Variants in DSCAM observed in about 807,000 individuals in gnomAD.
The protein encoded by DSCAM is cell adhesion molecule DSCAM.
Under a neutral mutation model 217.7 loss-of-function variants are expected in DSCAM, and 47 were observed. That is an observed-to-expected ratio of 0.22 (90% CI 0.17 to 0.28). The LOEUF (loss-of-function observed/expected upper bound fraction) is 0.28. Ranked by LOEUF, DSCAM falls within the 10% of genes least tolerant of loss-of-function variation. The pLI is 1.00. For missense variants in DSCAM, 2,080 were observed against 2,618.3 expected (o/e 0.79, Z 4.49); for synonymous variants, 1,056 against 1,015.3 (o/e 1.04, Z -0.76).
intron 1 of DSCAM, among the ~76,000 whole-genome samples, chr21:40,786,615 T>G (rs1302144813): frequency 6.6e-6 from 1 of 152,192 alleles, no homozygotes; most frequent in East Asian, 1.9e-4. Flanking sequence ...GGCATCTTCA[T>G]GCTAAGTGAA....
Position 40,655,714 on chromosome 21 carries a change from A to C in DSCAM, c.508+37096T>G, listed in dbSNP as rs2090067716. On this transcript the variant is annotated intron_variant, in intron 3 of 32. Transcript: ENST00000400454. ...GTGATCCTCCTGCTTTGACTTTCCA[A>C]AGTGCTATGATTACAGGCATGAGCC... 2.0e-5 allele frequency among the ~76,000 whole-genome samples: 3 copies of C among 152,100 alleles called. No homozygotes were observed. The South Asian group carries it at 6.2e-4, about 32-fold the overall frequency.
intron 1 of DSCAM, among the ~76,000 whole-genome samples, chr21:40,828,412 G>T (rs747054130): frequency 6.6e-6 from 1 of 152,212 alleles, no homozygotes; most frequent in Middle Eastern, 3.4e-3. Context: ...TGAGATTAAG[G>T]TTCCATATTG....
At chr21:40,338,527 T>C in intron 7 of DSCAM, 151 bp from the exon 8 acceptor site, 2 of 857,266 alleles carry the variant, frequency 2.3e-6, no homozygotes, top group East Asian at 2.7e-5. Flanking sequence ...TGTGGCATTT[T>C]CTACAACAAA....
At chr21:40,036,933 A>G (rs2088636237) in intron 32 of DSCAM, among the ~76,000 whole-genome samples, 1 of 150,776 alleles carries the variant, frequency 6.6e-6, no homozygotes, top group Non-Finnish European at 1.5e-5. Context: ...TTATCTGCAT[A>G]GATGCAGAAA....
chr21:40,444,589 T>G (rs2075659121), intron 3 of DSCAM, among the ~76,000 whole-genome samples: 1 of 152,198 alleles, frequency 6.6e-6, no homozygotes, highest in Admixed American at 6.5e-5. Context: ...CAGTAATGGC[T>G]GACTAATACA....
At chr21:40,116,687 T>C (rs1601347249) in intron 20 of DSCAM, among the ~76,000 whole-genome samples, 6 of 150,578 alleles carry the variant, frequency 4.0e-5, no homozygotes, top group African/African-American at 2.4e-5. Flanking sequence ...TTTTCAGATT[T>C]TCCATTATTA....
intron 1 of DSCAM, among the ~76,000 whole-genome samples, chr21:40,731,461 C>T (rs1601184887): frequency 6.6e-6 from 1 of 152,184 alleles, no homozygotes; most frequent in East Asian, 1.9e-4. Flanking sequence ...GCTTCTGTAA[C>T]AAAATACCAT....
chr21:40,820,048 C>T (rs1337048346), intron 1 of DSCAM, among the ~76,000 whole-genome samples: 1 of 151,994 alleles, frequency 6.6e-6, no homozygotes, highest in Non-Finnish European at 1.5e-5. Context: ...CTAAAAAAAG[C>T]TAGAACTATA....
chr21:40,048,810 A>C (rs1464740868), intron 30 of DSCAM, among the ~76,000 whole-genome samples: 1 of 152,188 alleles, frequency 6.6e-6, no homozygotes, highest in Non-Finnish European at 1.5e-5. Flanking sequence ...AGAGGTGAGA[A>C]GCTCTGGTGC....
At position 40,544,545 on chromosome 21, in the gene DSCAM, A is replaced by G. The variant is rs867045733; in HGVS notation, c.508+148265T>C. ...CCTGCGAAGATGAAGGCACAGATTC[A>G]AGTGATACGGCCACAAGCCAAGGAA... On this transcript the variant is annotated intron_variant, in intron 3 of 32. Coordinates refer to ENST00000400454, the MANE Select transcript of DSCAM (RefSeq NM_001389.5). Among the ~76,000 whole-genome samples the G allele has an allele frequency of 3.8e-4, 58 of 152,298 alleles. No individual in the cohort carries two copies. In the Middle Eastern group the frequency reaches 0.01, roughly 27 times the overall value.
At chr21:40,516,997 ACAC>A (rs921092627) in intron 3 of DSCAM, among the ~76,000 whole-genome samples, 42 of 147,830 alleles carry the variant, frequency 2.8e-4, no homozygotes, top group African/African-American at 1.0e-3. Flanking sequence ...ACATATATAT[ACAC>A]CATATATATA....
At chr21:40,566,310 T>C (rs2146195535) in intron 3 of DSCAM, among the ~76,000 whole-genome samples, 1 of 152,150 alleles carries the variant, frequency 6.6e-6, no homozygotes, top group South Asian at 2.1e-4. Flanking sequence ...CCAGCCATCA[T>C]CCAGAGAAGA....
rs571959481 is a variant in DSCAM at position 40,223,996 on chromosome 21, T to C, written c.2357-34758A>G. Reference sequence around the variant, plus strand: ...TTGCATTTCCTAGATTTCAGAGAAGTGAAGAATGAATGAAATCAGGATGAA... The same window carrying C: ...TTGCATTTCCTAGATTTCAGAGAAGCGAAGAATGAATGAAATCAGGATGAA... On this transcript the variant is annotated intron_variant, in intron 11 of 32. Coordinates refer to ENST00000400454, the MANE Select transcript of DSCAM (RefSeq NM_001389.5). Among the ~76,000 whole-genome samples, 55 of 152,184 alleles carry C rather than the reference T, an allele frequency of 3.6e-4. 1 individual carries two copies. The highest frequency in any genetic ancestry group is 6.2e-4 in the Non-Finnish European group (42 of 68,044).
chr21:40,014,079 C>A (rs569811061), intron 32 of DSCAM, among the ~76,000 whole-genome samples: 16 of 152,366 alleles, frequency 1.1e-4, no homozygotes, highest in African/African-American at 3.4e-4. Context: ...GCAAACATAA[C>A]CTCAGGTCTC....
At chr21:40,014,654 G>A (rs763703962) in intron 32 of DSCAM, among the ~76,000 whole-genome samples, 13 of 152,166 alleles carry the variant, frequency 8.5e-5, no homozygotes, top group Admixed American at 5.9e-4. Flanking sequence ...TCCCTCCTTC[G>A]CCTTCTCCTC....
intron 3 of DSCAM, among the ~76,000 whole-genome samples, chr21:40,578,290 T>C (rs57391017): frequency 0.49 from 74,049 of 151,860 alleles, 18,341 homozygotes; most frequent in Admixed American, 0.56. Flanking sequence ...GGAGGTGAAG[T>C]CAGTTGGGCT....
intron 10 of DSCAM, among the ~76,000 whole-genome samples, chr21:40,286,953 T>C (rs922396073): frequency 4.0e-5 from 6 of 151,146 alleles, no homozygotes; most frequent in Non-Finnish European, 7.4e-5. Context: ...GTGTGATCCA[T>C]GGTGTGATCT....
intron 1 of DSCAM, among the ~76,000 whole-genome samples, chr21:40,786,487 C>T (rs1262994657): frequency 6.6e-6 from 1 of 152,252 alleles, no homozygotes; most frequent in East Asian, 1.9e-4. Flanking sequence ...TTGAGCCCAC[C>T]TGGACCTAAT....
chr21:40,071,243 A>G (rs2146536381), intron 27 of DSCAM, among the ~76,000 whole-genome samples: 1 of 152,326 alleles, frequency 6.6e-6, no homozygotes, highest in Non-Finnish European at 1.5e-5. Context: ...CATTAAAAGC[A>G]AAATGCGGCT....
Sources: allele counts gnomAD v4.1 joint callset (sites outside exome capture counted in the v4.1 genomes callset), GRCh38; gene constraint gnomAD v4.1.1; transcripts MANE v1.5; gene names NCBI Gene and HGNC (gene_info 2026-07-23, HGNC 2026-07-21).